The following SORL1 variants were observed in gnomAD, a reference collection of about 807,000 sequenced individuals.
SORL1 encodes sortilin related receptor 1.
Under a neutral mutation model 273.7 loss-of-function variants are expected in SORL1, and 127 were observed. The observed-to-expected ratio is 0.46, with a 90% confidence interval of 0.40 to 0.54. The LOEUF (loss-of-function observed/expected upper bound fraction) is 0.54. Among genes scored for constraint, SORL1 ranks in the 20% least tolerant of loss-of-function variants. SORL1 has a pLI of 0.00. For synonymous variants in SORL1, 1,031 were observed against 1,067.4 expected (o/e 0.97, Z 0.66); for missense variants, 2,494 against 2,846.1 (o/e 0.88, Z 2.81).
intron 8 of SORL1, among the ~76,000 whole-genome samples, chr11:121,519,326 T>C (rs949375406): frequency 6.6e-6 from 1 of 152,118 alleles, no homozygotes; most frequent in African/African-American, 2.4e-5. Context: ...GCGTGTATCA[T>C]TTTAGCGCAA....
chr11:121,535,974 C>T (rs1391063360), intron 12 of SORL1, among the ~76,000 whole-genome samples: 3 of 152,264 alleles, frequency 2.0e-5, no homozygotes, highest in Admixed American at 6.5e-5. Flanking sequence ...GTGGCTTTTT[C>T]GTCAGAGAAG....
intron 8 of SORL1, among the ~76,000 whole-genome samples, chr11:121,518,919 T>TA (rs1442900073): frequency 6.6e-6 from 1 of 151,670 alleles, no homozygotes; most frequent in Non-Finnish European, 1.5e-5. Context: ...ACCCCTGAAG[T>TA]AAAGGGCAAG....
chr11:121,472,134 C>A (rs954231215), intron 2 of SORL1, among the ~76,000 whole-genome samples: 2 of 152,052 alleles, frequency 1.3e-5, no homozygotes, highest in African/African-American at 4.8e-5. Flanking sequence ...GACAGTGAGA[C>A]CCTCTCTCTA....
At chr11:121,479,192 G>A (rs549441723) in intron 3 of SORL1, among the ~76,000 whole-genome samples, 9 of 152,294 alleles carry the variant, frequency 5.9e-5, no homozygotes, top group East Asian at 1.9e-4. Flanking sequence ...TTGAGGAAGC[G>A]TTGACCCTGG....
At chr11:121,541,813 T>G (rs956262601) in intron 12 of SORL1, among the ~76,000 whole-genome samples, 2 of 152,210 alleles carry the variant, frequency 1.3e-5, no homozygotes, top group Non-Finnish European at 2.9e-5. Context: ...CTTCTCCTTC[T>G]TCGACACCAA....
chr11:121,567,115 T>TA lies in SORL1; in HGVS notation c.3223+3dup. The TA allele has an allele frequency of 1.2e-5, 20 of 1,609,274 alleles. No individual in the cohort carries two copies. Among genetic ancestry groups the TA allele is most frequent in the Non-Finnish European group, 1.7e-5 (20 of 1,177,732 alleles). On this transcript the variant is annotated splice_region_variant and intron_variant, in intron 22 of 47. Coordinates refer to ENST00000260197, the MANE Select transcript of SORL1 (RefSeq NM_003105.6). The stretch of plus-strand genomic sequence containing the variant: ...AGAACAATACCTGTGTCAAACAAGG[T>TA]ACTTCCCTTTTTCTTTTTTGCCTGT...
Position 121,452,342 on chromosome 11 carries a change from G to A in SORL1, c.11G>A (p.Arg4Gln). MAT[R>Q]SSRRESRLPF... ...AGCGTTCGCCCGAACATGGCGACAC[G>A]GAGCAGCAGGAGGGAGTCGCGACTC... is the stretch of plus-strand genomic sequence containing the variant. The change falls in exon 1 of 48, where the codon CGG becomes CAG. Residue 4 changes from arginine to glutamine, a missense_variant. Physicochemically the swap from Arg to Gln is conservative, Grantham distance 43. This residue lies in a region of SORL1 where 175 missense variants were observed against 147.1 expected (regional missense o/e 1.19). Coordinates refer to ENST00000260197, the MANE Select transcript of SORL1 (RefSeq NM_003105.6). The surrounding 1 kb of genome is among the most constrained non-coding windows in gnomAD (Gnocchi z 5.3). 1 of 1,546,562 alleles carries A rather than the reference G, an allele frequency of 6.5e-7. No individual in the cohort carries two copies. Among genetic ancestry groups the A allele is most frequent in the Middle Eastern group, 2.2e-4 (1 of 4,470 alleles).
rs571990915 is a variant in SORL1, at chr11:121,570,506, C to T, written c.3337+236C>T. On this transcript the variant is annotated intron_variant, in intron 23 of 47. Coordinates refer to ENST00000260197, the MANE Select transcript of SORL1 (RefSeq NM_003105.6). ...TTTTAACCACCCCAGAAGTACCACTCGTTACAAGAGATTTATAAATAAACG... is the reference window on the plus strand; with the variant it reads ...TTTTAACCACCCCAGAAGTACCACTTGTTACAAGAGATTTATAAATAAACG... 5.3e-5 allele frequency among the ~76,000 whole-genome samples: 8 copies of T among 152,188 alleles called. No individual in the cohort carries two copies. The South Asian group carries it at 1.0e-3, about 20-fold the overall frequency.
intron 1 of SORL1, among the ~76,000 whole-genome samples, chr11:121,456,934 G>T (rs1860915639): frequency 6.6e-6 from 1 of 152,214 alleles, no homozygotes; most frequent in Admixed American, 6.5e-5. Context: ...GCTTGGGAAA[G>T]AATTGGCTGG....
At chr11:121,577,629 G>A (rs3781836) in intron 25 of SORL1, among the ~76,000 whole-genome samples, 27,361 of 152,170 alleles carry the variant, frequency 0.18, 3,072 homozygotes, top group African/African-American at 0.31. Flanking sequence ...GAGTGATATC[G>A]TTGATTTATG....
intron 45 of SORL1, 61 bp downstream of exon 45, chr11:121,622,329 T>A: frequency 2.2e-6 from 2 of 914,060 alleles, no homozygotes; most frequent in Non-Finnish European, 3.6e-6. Context: ...GTTTCAGAGA[T>A]GAGCTTGTTG....
chr11:121,463,241 T>C (rs892363800), intron 1 of SORL1, among the ~76,000 whole-genome samples: 1 of 147,418 alleles, frequency 6.8e-6, no homozygotes, highest in African/African-American at 2.5e-5. Flanking sequence ...AGATTCTTTC[T>C]GGCTTTGATA....
chr11:121,606,280 C>T (rs1028169375), intron 35 of SORL1, among the ~76,000 whole-genome samples: 1 of 152,184 alleles, frequency 6.6e-6, no homozygotes, highest in Non-Finnish European at 1.5e-5. Context: ...AGTTCCTCGC[C>T]TCCTCCCTAC....
At chr11:121,626,643 C>T (rs1200819441) in intron 46 of SORL1, 2 of 152,222 alleles carry the variant, frequency 1.3e-5, no homozygotes, top group Admixed American at 1.3e-4. Context: ...GCCACCTCTC[C>T]CGACACCAGG....
At chr11:121,576,669 C>T in intron 24 of SORL1, 1 of 1,106,052 alleles carries the variant, frequency 9.0e-7, no homozygotes, top group Non-Finnish European at 1.2e-6. Flanking sequence ...AGCCTCCTTC[C>T]CCTTCTTGGT....
intron 8 of SORL1, 122 bp from the exon 9 acceptor site, chr11:121,520,535 C>T (rs529407394): frequency 5.8e-5 from 35 of 608,178 alleles, no homozygotes; most frequent in African/African-American, 5.7e-4. Flanking sequence ...GATAGTTGCA[C>T]AACATTGTGA....
At chr11:121,617,184 C>A (rs2134941894) in intron 41 of SORL1, among the ~76,000 whole-genome samples, 1 of 152,230 alleles carries the variant, frequency 6.6e-6, no homozygotes, top group African/African-American at 2.4e-5. Context: ...AGGTGCAAGA[C>A]TTTTAGCTAA....
At chr11:121,467,071 C>T (rs1453029178) in intron 1 of SORL1, among the ~76,000 whole-genome samples, 6 of 144,972 alleles carry the variant, frequency 4.1e-5, no homozygotes, top group African/African-American at 1.6e-4. Flanking sequence ...GCTCTGTTGC[C>T]CAGGCTGGAC....
rs998593664 is a variant in SORL1 at position 121,557,357 on chromosome 11, C to T, written c.2615C>T (p.Ser872Phe). 7 of 1,614,162 alleles carry T rather than the reference C, an allele frequency of 4.3e-6. No homozygotes were observed. The East Asian group carries it at 1.1e-4, about 26-fold the overall frequency. The change falls in exon 19 of 48, where the codon TCC becomes TTC. Residue 872 changes from serine to phenylalanine, a missense_variant. By Grantham distance (155) the Ser-to-Phe change is radical. Coordinates refer to ENST00000260197, the MANE Select transcript of SORL1 (RefSeq NM_003105.6). ...DGDFRLTIVN[S>F]SVLDRPRALV... ...GACTTCCGACTCACAATCGTCAATTCCTCTGTGCTTGATCGTCCCAGGGCT... is the reference window on the plus strand; with the variant it reads ...GACTTCCGACTCACAATCGTCAATTTCTCTGTGCTTGATCGTCCCAGGGCT...
Sources: allele counts gnomAD v4.1 joint callset (sites outside exome capture counted in the v4.1 genomes callset), GRCh38; gene constraint gnomAD v4.1.1; regional missense constraint gnomAD v4.1.1; non-coding constraint Gnocchi (gnomAD v3.1); transcripts MANE v1.5; gene names NCBI Gene and HGNC (gene_info 2026-07-23, HGNC 2026-07-21).